Variants in COL13A1 observed in about 807,000 individuals in gnomAD.
COL13A1 encodes collagen alpha-1(XIII) chain.
A neutral mutation model predicts 130.9 loss-of-function variants in COL13A1; 89 were observed. The ratio of observed to expected loss-of-function variants is 0.68; its 90% CI spans 0.57 to 0.81. COL13A1 has a LOEUF of 0.81. Among genes scored for constraint, COL13A1 ranks in the 30% least tolerant of loss-of-function variants. The pLI, the probability that COL13A1 is intolerant of heterozygous loss-of-function variation, is 0.00. For missense variants in COL13A1, 879 were observed against 934.6 expected (o/e 0.94, Z 0.78); for synonymous variants, 402 against 341.6 (o/e 1.18, Z -1.95).
Position 69,863,492 on chromosome 10 carries a change from G to T in COL13A1, c.365-4306G>T, listed in dbSNP as rs190307322. Reference sequence around the variant, plus strand: ...GGGGCTAGGACCCCAGCTTCTAGGAGCCCAGCGGTCAAGCAGGGTCAGAAG... The same window carrying T: ...GGGGCTAGGACCCCAGCTTCTAGGATCCCAGCGGTCAAGCAGGGTCAGAAG... On this transcript the variant is annotated intron_variant, in intron 2 of 40. Coordinates refer to ENST00000645393, the MANE Select transcript of COL13A1 (RefSeq NM_001368882.1). Among the ~76,000 whole-genome samples, 50 of 152,270 alleles carry T rather than the reference G, an allele frequency of 3.3e-4. 1 individual carries two copies. In the East Asian group the frequency reaches 6.0e-3, roughly 18 times the overall value.
At chr10:69,806,041 T>G (rs1429667783) in intron 1 of COL13A1, among the ~76,000 whole-genome samples, 1 of 152,264 alleles carries the variant, frequency 6.6e-6, no homozygotes, top group Non-Finnish European at 1.5e-5. Context: ...TTCAGGTTCA[T>G]CTTCCATTAA....
At chr10:69,918,730 A>G (rs1273900993) in intron 19 of COL13A1, among the ~76,000 whole-genome samples, 2 of 152,210 alleles carry the variant, frequency 1.3e-5, no homozygotes, top group African/African-American at 4.8e-5. Flanking sequence ...ACAAGTGCTC[A>G]AATTCTATCT....
intron 38 of COL13A1, among the ~76,000 whole-genome samples, chr10:69,949,965 CGT>C (rs146294380): frequency 0.028 from 2,418 of 87,356 alleles, 29 homozygotes; most frequent in Middle Eastern, 0.088. Flanking sequence ...TTTGTGTGTG[CGT>C]GTGTGTGTGT....
chr10:69,876,719 C>A (rs897783532), intron 5 of COL13A1, among the ~76,000 whole-genome samples: 5 of 152,222 alleles, frequency 3.3e-5, no homozygotes, highest in African/African-American at 1.2e-4. Context: ...CAGTCACCTG[C>A]GTCACCATAG....
chr10:69,865,119 T>A (rs1277943492), intron 2 of COL13A1, among the ~76,000 whole-genome samples: 1 of 151,938 alleles, frequency 6.6e-6, no homozygotes, highest in Non-Finnish European at 1.5e-5. Flanking sequence ...GTCAGGAGAC[T>A]GAATGCCGGT....
chr10:69,925,496 G>A (rs1019307711), intron 25 of COL13A1, among the ~76,000 whole-genome samples: 6 of 152,216 alleles, frequency 3.9e-5, no homozygotes, highest in Admixed American at 1.3e-4. Context: ...TTGACCTTGG[G>A]GTCTTGACGA....
At chr10:69,860,500 A>G (rs1857699967) in intron 2 of COL13A1, among the ~76,000 whole-genome samples, 1 of 152,218 alleles carries the variant, frequency 6.6e-6, no homozygotes, top group South Asian at 2.1e-4. Flanking sequence ...CTTCCTGCTC[A>G]ACCCTTAGCC....
At chr10:69,817,255 C>A (rs897958904) in intron 1 of COL13A1, among the ~76,000 whole-genome samples, 2 of 151,852 alleles carry the variant, frequency 1.3e-5, no homozygotes, top group African/African-American at 4.8e-5. Flanking sequence ...GACTTGCTGG[C>A]GACAGGAGGG....
intron 2 of COL13A1, among the ~76,000 whole-genome samples, chr10:69,850,076 C>T (rs1192222632): frequency 6.6e-6 from 1 of 152,084 alleles, no homozygotes; most frequent in Non-Finnish European, 1.5e-5. Context: ...CCATAAAACT[C>T]CCACTGGGTG....
At chr10:69,877,899 T>A in intron 5 of COL13A1, 140 bp from the exon 6 acceptor site, 1 of 637,912 alleles carries the variant, frequency 1.6e-6, no homozygotes, top group East Asian at 2.8e-5. Flanking sequence ...TTGCTTTGTT[T>A]CTTATTTCAC....
intron 2 of COL13A1, among the ~76,000 whole-genome samples, chr10:69,853,404 C>A (rs2133603397): frequency 6.6e-6 from 1 of 152,336 alleles, no homozygotes; most frequent in East Asian, 1.9e-4. Flanking sequence ...TCTTAACCTT[C>A]CAGCCTCCGA....
At chr10:69,812,170 C>T (rs1843227890) in intron 1 of COL13A1, among the ~76,000 whole-genome samples, 1 of 152,234 alleles carries the variant, frequency 6.6e-6, no homozygotes, top group African/African-American at 2.4e-5. Flanking sequence ...AAATGTGACC[C>T]ATATGGCCTT....
intron 7 of COL13A1, among the ~76,000 whole-genome samples, chr10:69,881,375 G>C (rs2060123736): frequency 6.6e-6 from 1 of 152,146 alleles, no homozygotes; most frequent in Non-Finnish European, 1.5e-5. Context: ...CAGGCCGCCG[G>C]CTCCACCTTC....
chr10:69,957,725 C>T (rs2071044531), intron 40 of COL13A1, among the ~76,000 whole-genome samples: 1 of 152,178 alleles, frequency 6.6e-6, no homozygotes, highest in Admixed American at 6.5e-5. Flanking sequence ...CAGACAGAGG[C>T]CATCTGCTTG....
chr10:69,884,356 C>G (rs1054691783), intron 7 of COL13A1, among the ~76,000 whole-genome samples: 1 of 152,226 alleles, frequency 6.6e-6, no homozygotes, highest in Non-Finnish European at 1.5e-5. Context: ...CACCCTCCCC[C>G]ACTCAGCTAA....
chr10:69,842,110 C>T (rs144197113), intron 2 of COL13A1, among the ~76,000 whole-genome samples: 2 of 152,278 alleles, frequency 1.3e-5, no homozygotes, highest in East Asian at 1.9e-4. Context: ...ATAATTCCCA[C>T]GTGTTGTGAG....
intron 38 of COL13A1, among the ~76,000 whole-genome samples, chr10:69,951,757 T>G (rs2069602314): frequency 6.6e-6 from 1 of 152,206 alleles, no homozygotes; most frequent in Non-Finnish European, 1.5e-5. Flanking sequence ...GTCACGCAGC[T>G]AACTGTCAGA....
rs764803729 is a variant in COL13A1, at chr10:69,895,563, A to G, written c.671A>G (p.Glu224Gly). The G allele has an allele frequency of 1.2e-6, 2 of 1,613,882 alleles. No homozygotes were observed. Among genetic ancestry groups the G allele is most frequent in the Non-Finnish European group, 8.5e-7 (1 of 1,179,848 alleles). ...TCTCCTTCCCAGGGTCAGTGTGGAGAGTACCCACACCGGGTAAGTGAACCC... is the reference window on the plus strand; with the variant it reads ...TCTCCTTCCCAGGGTCAGTGTGGAGGGTACCCACACCGGGTAAGTGAACCC... Reference protein sequence around the residue: ...GQKGEKGQCGEYPHRLLPLLN... With the variant: ...GQKGEKGQCGGYPHRLLPLLN... Residue 224 changes from glutamate (E) to glycine (G), a missense_variant, in exon 13 of 41, where the codon GAG (glutamate) becomes GGG (glycine). Glu to Gly is a moderately conservative substitution (Grantham distance 98). Around this residue, in one of 3 missense-constraint regions of COL13A1, gnomAD observed 715 missense variants for 721.0 expected, o/e 0.99. Transcript: ENST00000645393.
intron 2 of COL13A1, among the ~76,000 whole-genome samples, chr10:69,829,569 C>T (rs747490920): frequency 9.8e-5 from 15 of 152,356 alleles, no homozygotes; most frequent in Non-Finnish European, 1.6e-4. Flanking sequence ...GGACTCTTGG[C>T]TCCAAACGAA....
Sources: gnomAD v4.1 joint callset for allele counts (sites outside exome capture counted in the v4.1 genomes callset) on GRCh38, gnomAD v4.1.1 for gene constraint, gnomAD v4.1.1 regional missense constraint, MANE v1.5 for transcripts, NCBI Gene and HGNC (gene_info 2026-07-23, HGNC 2026-07-21) for gene names.